Variants in ARNT2 observed in about 807,000 individuals in gnomAD.
ARNT2 encodes the protein aryl hydrocarbon receptor nuclear translocator 2.
Under a neutral mutation model 91.7 loss-of-function variants are expected in ARNT2, and 36 were observed. That is an observed-to-expected ratio of 0.39 (90% CI 0.30 to 0.52). The LOEUF (loss-of-function observed/expected upper bound fraction) is 0.52. Among genes scored for constraint, ARNT2 ranks in the 20% least tolerant of loss-of-function variants. The probability of loss-of-function intolerance (pLI) is 0.72; values close to 1 mark genes in which losing one functional copy is unlikely to be tolerated. For synonymous variants in ARNT2, 365 were observed against 347.1 expected (o/e 1.05, Z -0.57); for missense variants, 775 against 939.3 (o/e 0.83, Z 2.29).
intron 14 of ARNT2, among the ~76,000 whole-genome samples, chr15:80,575,845 G>T (rs1410030952): frequency 1.3e-5 from 2 of 152,226 alleles, no homozygotes; most frequent in African/African-American, 2.4e-5. Flanking sequence ...CTGAGTTCCA[G>T]AGTGGGAAGA....
chr15:80,558,848 G>T (rs1898256362), intron 11 of ARNT2, among the ~76,000 whole-genome samples: 1 of 152,194 alleles, frequency 6.6e-6, no homozygotes, highest in Non-Finnish European at 1.5e-5. Flanking sequence ...GATAAACTTT[G>T]CATCGTTTAG....
In ARNT2 at chr15:80,475,073, G is replaced by T. The variant is rs1896780684; in HGVS notation, c.472G>T (p.Gly158Trp). The change falls in exon 5 of 19, where the codon GGG becomes TGG. Residue 158 changes from glycine to tryptophan, a missense_variant. This residue lies in a region of ARNT2 where 83 missense variants were observed against 149.4 expected (regional missense o/e 0.56). Transcript: ENST00000303329. ...GFLFVVAAET[G>W]RVIYVSDSVT... ...TCTGTTTGTGGTGGCTGCTGAGACA[G>T]GGCGAGTGATTTATGTGTCTGACTC... 1 of 1,614,184 alleles carries T rather than the reference G, an allele frequency of 6.2e-7. No homozygotes were observed. Among genetic ancestry groups the T allele is most frequent in the African/African-American group, 1.3e-5 (1 of 75,036 alleles).
chr15:80,528,660 T>C (rs939535157), intron 8 of ARNT2, among the ~76,000 whole-genome samples: 3 of 152,154 alleles, frequency 2.0e-5, no homozygotes, highest in African/African-American at 4.8e-5. Context: ...GTTCTCATTC[T>C]TGTTAGATCC....
At chr15:80,552,829 A>G in intron 10 of ARNT2, 55 bp downstream of exon 10, 3 of 1,583,130 alleles carry the variant, frequency 1.9e-6, no homozygotes, top group Non-Finnish European at 2.6e-6. Context: ...ATTGTTTTTA[A>G]AACATTCTTA....
intron 8 of ARNT2, among the ~76,000 whole-genome samples, chr15:80,547,660 T>C (rs934766782): frequency 1.3e-5 from 2 of 152,246 alleles, no homozygotes; most frequent in African/African-American, 2.4e-5. Context: ...CAATTGACAG[T>C]ATTTGTTGTC....
At chr15:80,436,730 T>G (rs935173503) in intron 1 of ARNT2, among the ~76,000 whole-genome samples, 4 of 152,184 alleles carry the variant, frequency 2.6e-5, no homozygotes, top group Non-Finnish European at 4.4e-5. Flanking sequence ...TGGACAGTCT[T>G]CATTTGTGCC....
At chr15:80,464,116 T>C (rs1896611097) in intron 3 of ARNT2, among the ~76,000 whole-genome samples, 1 of 152,164 alleles carries the variant, frequency 6.6e-6, no homozygotes, top group African/African-American at 2.4e-5. Context: ...TCTTCCCCCA[T>C]AAAGCCTTAA....
At chr15:80,537,302 C>T (rs963997269) in intron 8 of ARNT2, among the ~76,000 whole-genome samples, 1 of 152,164 alleles carries the variant, frequency 6.6e-6, no homozygotes. Context: ...AACTCCTGAA[C>T]ACAGAACTTA....
At chr15:80,438,205 C>T (rs1015761207) in intron 1 of ARNT2, among the ~76,000 whole-genome samples, 4 of 152,138 alleles carry the variant, frequency 2.6e-5, no homozygotes, top group East Asian at 3.8e-4. Context: ...AGACCTTGCC[C>T]GCTGCTAGAT....
chr15:80,486,667 C>T (rs1896979194), intron 5 of ARNT2, among the ~76,000 whole-genome samples: 1 of 152,210 alleles, frequency 6.6e-6, no homozygotes, highest in South Asian at 2.1e-4. Context: ...TCCCTTTGGA[C>T]CCACAAGCCT....
At chr15:80,463,033 C>G (rs1000379659) in intron 3 of ARNT2, among the ~76,000 whole-genome samples, 1 of 152,170 alleles carries the variant, frequency 6.6e-6, no homozygotes, top group Non-Finnish European at 1.5e-5. Context: ...GGAAAATATG[C>G]AAGGTAGACG....
intron 17 of ARNT2, among the ~76,000 whole-genome samples, chr15:80,586,512 T>C (rs927730143): frequency 6.6e-6 from 1 of 152,146 alleles, no homozygotes; most frequent in African/African-American, 2.4e-5. Flanking sequence ...AAAAGAGCCA[T>C]GTCCATCCCA....
chr15:80,555,009 T>C (rs1898152667), intron 10 of ARNT2, 56 bp from the exon 11 acceptor site: 3 of 1,502,366 alleles, frequency 2.0e-6, no homozygotes, highest in Non-Finnish European at 1.9e-6. Context: ...TCACAGTGAG[T>C]ATACAAATAA....
At chr15:80,417,068 A>G (rs1895796583) in intron 1 of ARNT2, among the ~76,000 whole-genome samples, 1 of 152,232 alleles carries the variant, frequency 6.6e-6, no homozygotes, top group Non-Finnish European at 1.5e-5. Context: ...TTCATTTAAC[A>G]AATAAAATAA....
At chr15:80,543,054 G>A (rs1231028295) in intron 8 of ARNT2, among the ~76,000 whole-genome samples, 6 of 131,796 alleles carry the variant, frequency 4.6e-5, no homozygotes, top group Non-Finnish European at 7.6e-5. Context: ...CCAAGATCGC[G>A]CCACTGCACT....
chr15:80,543,090 C>G (rs1373300270), intron 8 of ARNT2, among the ~76,000 whole-genome samples: 1 of 106,454 alleles, frequency 9.4e-6, no homozygotes, highest in Non-Finnish European at 1.8e-5. Context: ...GAGCCAGACC[C>G]GGTCAAAAAA....
intron 3 of ARNT2, among the ~76,000 whole-genome samples, chr15:80,468,799 C>T (rs949337491): frequency 2.6e-5 from 4 of 152,206 alleles, no homozygotes; most frequent in Non-Finnish European, 5.9e-5. Flanking sequence ...TCCTTGTTTT[C>T]TCTACCACTC....
chr15:80,593,635 G>T lies in ARNT2; in HGVS notation c.2091G>T (p.Gly697=). 1 of 1,606,370 alleles carries T rather than the reference G, an allele frequency of 6.2e-7. No homozygotes were observed. ...MLPMPGDPTQ[G]TGNYNIEDFA... is the part of the protein sequence containing the mutation. ...CCATGCCAGGAGATCCAACCCAGGG[G>T]ACTGGCAACTATAACATCGAAGACT... The change falls in exon 19 of 19, where the codon GGG becomes GGT. Residue 697 remains glycine, a synonymous_variant. Coordinates refer to ENST00000303329, the MANE Select transcript of ARNT2 (RefSeq NM_014862.4).
At chr15:80,414,673 G>A (rs989986308) in intron 1 of ARNT2, among the ~76,000 whole-genome samples, 7 of 152,150 alleles carry the variant, frequency 4.6e-5, no homozygotes, top group South Asian at 2.1e-4. Context: ...GTCTGGAATC[G>A]TTTGCCATAA....
Sources: allele counts gnomAD v4.1 joint callset (sites outside exome capture counted in the v4.1 genomes callset), GRCh38; gene constraint gnomAD v4.1.1; regional missense constraint gnomAD v4.1.1; transcripts MANE v1.5; gene names NCBI Gene and HGNC (gene_info 2026-07-23, HGNC 2026-07-21).